The following GPRC5B variants were observed in gnomAD, a reference collection of about 807,000 sequenced individuals.
GPRC5B encodes the protein G protein-coupled receptor family C group 5 member B.
Under a neutral mutation model 30.1 loss-of-function variants are expected in GPRC5B, and 16 were observed. The observed-to-expected ratio is 0.53, with a 90% CI of 0.36 to 0.81. The LOEUF is 0.81. GPRC5B is among the 30% of genes least tolerant of loss of function. GPRC5B has a pLI of 0.01. For synonymous variants in GPRC5B, 241 were observed against 239.5 expected (o/e 1.01, Z -0.06); for missense variants, 428 against 544.7 (o/e 0.79, Z 2.13).
At chr16:19,875,024 C>T (rs1436497099) in intron 1 of GPRC5B, among the ~76,000 whole-genome samples, 9 of 152,164 alleles carry the variant, frequency 5.9e-5, no homozygotes, top group Non-Finnish European at 1.2e-4. Flanking sequence ...CTGCTCTCCC[C>T]GGGCTCCAGT....
At chr16:19,875,722 T>A (rs1440565372) in intron 1 of GPRC5B, among the ~76,000 whole-genome samples, 2 of 152,146 alleles carry the variant, frequency 1.3e-5, no homozygotes, top group African/African-American at 4.8e-5. Flanking sequence ...GAGGTTTCAG[T>A]GCGCCAAGAT....
At chr16:19,864,997 G>A (rs796749590) in intron 2 of GPRC5B, among the ~76,000 whole-genome samples, 40 of 145,544 alleles carry the variant, frequency 2.7e-4, no homozygotes, top group African/African-American at 8.9e-4. Context: ...CTCGACCTCC[G>A]TAGCTCAAGT....
Position 19,857,387 on chromosome 16 carries a change from A to G in GPRC5B, c.*3113T>C. On this transcript the variant is annotated 3_prime_UTR_variant, in exon 4 of 4. Coordinates refer to ENST00000300571, the MANE Select transcript of GPRC5B (RefSeq NM_016235.3). ...ATGGTTTACAGCCTTTTAAATTTGT[A>G]ATATTTATATAGTCGTTTATGGTAC... 11 of 420,568 alleles carry G rather than the reference A, an allele frequency of 2.6e-5. 1 individual carries two copies. The highest frequency in any genetic ancestry group is 1.4e-4 in the South Asian group (8 of 57,122). 26.1% of individuals were successfully genotyped at this position (420,568 alleles called of 1,614,324 possible).
rs754561607 is a variant in GPRC5B at position 19,857,251 on chromosome 16, GTAGT to G, written c.*3245_*3248del. The G allele has an allele frequency of 5.4e-5, 17 of 316,568 alleles. No individual in the cohort carries two copies. Among genetic ancestry groups the G allele is most frequent in the East Asian group, 1.0e-4 (1 of 9,564 alleles). 19.6% of individuals were successfully genotyped at this position (316,568 alleles called of 1,614,324 possible). A position where few individuals can be genotyped will look rare whatever the true frequency, so the allele number is the denominator to read the frequency against. On this transcript the variant is annotated 3_prime_UTR_variant, in exon 4 of 4. Coordinates refer to ENST00000300571, the MANE Select transcript of GPRC5B (RefSeq NM_016235.3). ...CCCTCAAGGCAGATCCGAAAGCCTA[GTAGT>G]TAGTTGCACTGGGTTGTTTTGACAA...
chr16:19,858,511 A>C lies in GPRC5B; in HGVS notation c.*1989T>G, dbSNP rs1441004510. On this transcript the variant is annotated 3_prime_UTR_variant, in exon 4 of 4. Transcript: ENST00000300571. ...GTGTGAATGGTATCAGAAAGCTCCA[A>C]AGGACTCCAGAGAGCGGGGGTGAGT... 1 of 694,058 alleles carries C rather than the reference A, an allele frequency of 1.4e-6. No homozygotes were observed. Among genetic ancestry groups the C allele is most frequent in the Non-Finnish European group, 2.6e-6 (1 of 381,610 alleles). The allele number at this position is 694,058 out of a possible 1,614,324, so 43.0% of individuals were successfully genotyped here. A position where few individuals can be genotyped will look rare whatever the true frequency, so the allele number is the denominator to read the frequency against.
At position 19,860,553 on chromosome 16, in the gene GPRC5B, A is replaced by G; in HGVS notation, c.1168-9T>C. 1.3e-6 allele frequency: 2 copies of G among 1,579,726 alleles called. No homozygotes were observed. The highest frequency in any genetic ancestry group is 1.7e-6 in the Non-Finnish European group (2 of 1,148,822). The stretch of plus-strand genomic sequence containing the variant: ...GGCGGAGCAGTTGGGATCTGGAATA[A>G]CACATAAGGATAACACACTGAGAAC... On this transcript the variant is annotated splice_polypyrimidine_tract_variant and intron_variant, in intron 3 of 3. Transcript: ENST00000300571.
upstream of GPRC5B, chr16:19,885,120 C>T (rs909951357): frequency 3.0e-6 from 3 of 986,570 alleles, no homozygotes; most frequent in South Asian, 1.4e-5. The surrounding 1 kb of genome is among the most constrained non-coding windows in gnomAD (Gnocchi z 5.3). Context: ...AACGTCAGTG[C>T]GCCCGTAAGC....
upstream of GPRC5B, chr16:19,885,341 G>T (rs961729748): frequency 8.3e-6 from 10 of 1,204,898 alleles, no homozygotes; most frequent in East Asian, 5.5e-4. This position sits in a 1 kb window ranked among gnomAD's most constrained non-coding sequence, Gnocchi z 5.3. Context: ...GATCGATCCC[G>T]CCCGGTGCCT....
At chr16:19,863,536 C>T (rs549556893) in intron 2 of GPRC5B, among the ~76,000 whole-genome samples, 2 of 140,894 alleles carry the variant, frequency 1.4e-5, no homozygotes, top group South Asian at 2.3e-4. Flanking sequence ...CTCGCTCTGT[C>T]GCCCAGGCTG....
rs962182543 is a variant in GPRC5B, at chr16:19,856,739, A to G, written c.*3761T>C. 5.3e-6 allele frequency: 3 copies of G among 571,296 alleles called. No individual in the cohort carries two copies. Among genetic ancestry groups the G allele is most frequent in the Non-Finnish European group, 9.2e-6 (3 of 324,688 alleles). The allele number at this position is 571,296 out of a possible 1,614,324, so 35.4% of individuals were successfully genotyped here. Reference sequence around the variant, plus strand: ...CAAATAGTTTAGAAAAGAAAGGACCAGTCTTCACTTTCTGCATTATCCCCA... The same window carrying G: ...CAAATAGTTTAGAAAAGAAAGGACCGGTCTTCACTTTCTGCATTATCCCCA... On this transcript the variant is annotated 3_prime_UTR_variant, in exon 4 of 4. Coordinates refer to ENST00000300571, the MANE Select transcript of GPRC5B (RefSeq NM_016235.3).
At chr16:19,882,813 C>A (rs972261022) in intron 1 of GPRC5B, among the ~76,000 whole-genome samples, 1 of 152,178 alleles carries the variant, frequency 6.6e-6, no homozygotes, top group Non-Finnish European at 1.5e-5. Flanking sequence ...CCTATCCCCA[C>A]CCCCAAATCT....
At chr16:19,870,554 C>A (rs1304353947) in intron 2 of GPRC5B, among the ~76,000 whole-genome samples, 1 of 152,214 alleles carries the variant, frequency 6.6e-6, no homozygotes, top group African/African-American at 2.4e-5. Context: ...GTGGCAGAGG[C>A]AAAATTTGAA....
In GPRC5B at chr16:19,872,976, C is replaced by T. The variant is rs927887385; in HGVS notation, c.-1-130G>A. On this transcript the variant is annotated intron_variant, in intron 1 of 3. Coordinates refer to ENST00000300571, the MANE Select transcript of GPRC5B (RefSeq NM_016235.3). The surrounding 1 kb of genome is among the most constrained non-coding windows in gnomAD (Gnocchi z 5.0). Reference sequence around the variant, plus strand: ...TGCAAGCGCACACGGCACCTTTGCACACATAGGAAAACGTGCTCCTTTCCT... The same window carrying T: ...TGCAAGCGCACACGGCACCTTTGCATACATAGGAAAACGTGCTCCTTTCCT... 3 of 660,682 alleles carry T rather than the reference C, an allele frequency of 4.5e-6. No homozygotes were observed. The highest frequency in any genetic ancestry group is 3.7e-5 in the South Asian group (2 of 53,796). 40.9% of individuals were successfully genotyped at this position (660,682 alleles called of 1,614,324 possible). A position where few individuals can be genotyped will look rare whatever the true frequency, so the allele number is the denominator to read the frequency against.
intron 3 of GPRC5B, among the ~76,000 whole-genome samples, chr16:19,861,064 T>A (rs2141137102): frequency 9.3e-6 from 1 of 107,654 alleles, no homozygotes; most frequent in Non-Finnish European, 1.7e-5. Flanking sequence ...CCTCTAGAGA[T>A]CAAAGACCAT....
chr16:19,867,501 G>T (rs1258535080), intron 2 of GPRC5B, among the ~76,000 whole-genome samples: 1 of 152,158 alleles, frequency 6.6e-6, no homozygotes, highest in African/African-American at 2.4e-5. Flanking sequence ...CACTGTAAAG[G>T]CCATGATACT....
In GPRC5B at chr16:19,857,224, G is replaced by A. The variant is rs2056573102; in HGVS notation, c.*3276C>T. Reference sequence around the variant, plus strand: ...TCTCCCATTTAAAATGCCACAGACCGACCCTCAAGGCAGATCCGAAAGCCT... The same window carrying A: ...TCTCCCATTTAAAATGCCACAGACCAACCCTCAAGGCAGATCCGAAAGCCT... On this transcript the variant is annotated 3_prime_UTR_variant, in exon 4 of 4. Coordinates refer to ENST00000300571, the MANE Select transcript of GPRC5B (RefSeq NM_016235.3). 2 of 270,026 alleles carry A rather than the reference G, an allele frequency of 7.4e-6. No homozygotes were observed. The highest frequency in any genetic ancestry group is 1.4e-5 in the Non-Finnish European group (2 of 140,392). The allele number at this position is 270,026 out of a possible 1,614,324, so 16.7% of individuals were successfully genotyped here.
At chr16:19,877,996 C>G (rs867497587) in intron 1 of GPRC5B, among the ~76,000 whole-genome samples, 1 of 151,908 alleles carries the variant, frequency 6.6e-6, no homozygotes, top group Non-Finnish European at 1.5e-5. Context: ...GACAGAAGTT[C>G]GAGACCAGTC....
At chr16:19,866,523 G>A (rs1366878395) in intron 2 of GPRC5B, among the ~76,000 whole-genome samples, 2 of 151,916 alleles carry the variant, frequency 1.3e-5, no homozygotes, top group East Asian at 1.9e-4. Flanking sequence ...ACCATGCCCA[G>A]CTATTTATTA....
Position 19,858,724 on chromosome 16 carries a change from A to G in GPRC5B, c.*1776T>C. On this transcript the variant is annotated 3_prime_UTR_variant, in exon 4 of 4. Coordinates refer to ENST00000300571, the MANE Select transcript of GPRC5B (RefSeq NM_016235.3). ...TCTTACGTTTTCTGTCCACGCAATG[A>G]CTGGAACGGGATTCTCTAGAAGCAA... is the stretch of plus-strand genomic sequence containing the variant. 2.2e-6 allele frequency: 1 copy of G among 457,230 alleles called. No homozygotes were observed. The highest frequency in any genetic ancestry group is 3.9e-6 in the Non-Finnish European group (1 of 259,316). 28.3% of individuals were successfully genotyped at this position (457,230 alleles called of 1,614,324 possible). A position where few individuals can be genotyped will look rare whatever the true frequency, so the allele number is the denominator to read the frequency against.
Sources: allele counts gnomAD v4.1 joint callset (sites outside exome capture counted in the v4.1 genomes callset), GRCh38; gene constraint gnomAD v4.1.1; non-coding constraint Gnocchi (gnomAD v3.1); transcripts MANE v1.5; gene names NCBI Gene and HGNC (gene_info 2026-07-23, HGNC 2026-07-21).